UBAP2: variants seen among roughly 807,000 people sequenced by gnomAD.
UBAP2 encodes the protein ubiquitin-associated protein 2.
A neutral mutation model predicts 139.6 loss-of-function variants in UBAP2; 75 were observed. The ratio of observed to expected loss-of-function variants is 0.54; its 90% CI spans 0.45 to 0.65. The LOEUF is 0.65. Ranked by LOEUF, UBAP2 falls within the 30% of genes least tolerant of loss-of-function variation. The pLI is 0.00. For missense variants in UBAP2, 1,368 were observed against 1,369.6 expected, an observed-to-expected ratio of 1.00 and a Z score of 0.02; for synonymous variants, 526 against 526.2, an observed-to-expected ratio of 1.00 and a Z score of 0.01.
At chr9:33,979,225 G>C (rs979671426) in intron 6 of UBAP2, among the ~76,000 whole-genome samples, 3 of 152,178 alleles carry the variant, frequency 2.0e-5, no homozygotes, top group Non-Finnish European at 4.4e-5. Flanking sequence ...GTAACAGAGT[G>C]AGACCCTGTC....
intron 19 of UBAP2, among the ~76,000 whole-genome samples, chr9:33,929,244 C>T (rs1823751712): frequency 6.6e-6 from 1 of 152,198 alleles, no homozygotes; most frequent in Admixed American, 6.5e-5. Context: ...GAAAAATGAA[C>T]ATTCTCCATC....
At chr9:33,934,823 C>A (rs12377078) in intron 17 of UBAP2, among the ~76,000 whole-genome samples, 10,480 of 152,208 alleles carry the variant, frequency 0.069, 513 homozygotes, top group Non-Finnish European at 0.1. Context: ...CTGCTAGAGT[C>A]AAAAGTTCCT....
chr9:34,029,653 T>C (rs372705013), intron 1 of UBAP2, among the ~76,000 whole-genome samples: 1 of 151,312 alleles, frequency 6.6e-6, no homozygotes, highest in Non-Finnish European at 1.5e-5. Flanking sequence ...CTGGGCAGCA[T>C]AGCAAGACCT....
At chr9:33,940,074 GAA>G (rs1432321691) in intron 16 of UBAP2, among the ~76,000 whole-genome samples, 2 of 151,412 alleles carry the variant, frequency 1.3e-5, no homozygotes, top group Non-Finnish European at 3.0e-5. Context: ...AAGAAGAAAA[GAA>G]AAAGAAGAAA....
At chr9:33,970,908 T>C (rs1313549001) in intron 8 of UBAP2, among the ~76,000 whole-genome samples, 1 of 152,224 alleles carries the variant, frequency 6.6e-6, no homozygotes, top group Non-Finnish European at 1.5e-5. Flanking sequence ...GTTCAAGCGA[T>C]TCTCCTGTCT....
At chr9:34,041,476 A>AT (rs990009904) in intron 1 of UBAP2, among the ~76,000 whole-genome samples, 4 of 151,002 alleles carry the variant, frequency 2.6e-5, no homozygotes, top group Non-Finnish European at 5.9e-5. Context: ...AAAAAAAAAA[A>AT]AAAAACAAAC....
At chr9:33,959,405 A>C (rs964009738) in intron 10 of UBAP2, among the ~76,000 whole-genome samples, 1 of 152,198 alleles carries the variant, frequency 6.6e-6, no homozygotes, top group African/African-American at 2.4e-5. Flanking sequence ...ACAGAATCTC[A>C]AAGTGTGCGT....
chr9:33,953,041 TGTTA>T lies in UBAP2; in HGVS notation c.1056+240_1056+243del, dbSNP rs558324022. The stretch of plus-strand genomic sequence containing the variant: ...CACAACACCACACTCAGCTAATTTT[TGTTA>T]GTTTGCTTTTTTCGTAGAGACAGAG... On this transcript the variant is annotated intron_variant, in intron 12 of 28. Coordinates refer to ENST00000379238, the MANE Select transcript of UBAP2 (RefSeq NM_001370062.2). Among the ~76,000 whole-genome samples, 699 of 152,172 alleles carry T rather than the reference TGTTA, an allele frequency of 4.6e-3. 5 individuals are homozygous for T. The highest frequency in any genetic ancestry group is 0.012 in the African/African-American group (514 of 41,520).
chr9:34,043,300 T>G (rs1827258942), intron 1 of UBAP2, among the ~76,000 whole-genome samples: 1 of 151,846 alleles, frequency 6.6e-6, no homozygotes, highest in Admixed American at 6.6e-5. Context: ...GCCTCCTGAG[T>G]AGCTGGGACT....
intron 13 of UBAP2, 27 bp from the exon 14 acceptor site, chr9:33,944,666 A>T (rs374807402): frequency 6.2e-7 from 1 of 1,606,202 alleles, no homozygotes; most frequent in African/African-American, 1.3e-5. Context: ...GCAATTAATG[A>T]GGCATAATGG....
Position 34,027,251 on chromosome 9 carries a change from C to A in UBAP2, c.-41-10062G>T, listed in dbSNP as rs142252402. Among the ~76,000 whole-genome samples, 915 of 151,776 alleles carry A rather than the reference C, an allele frequency of 6.0e-3. 7 individuals carry two copies. Among genetic ancestry groups the A allele is most frequent in the African/African-American group, 0.021 (868 of 41,366 alleles). Reference sequence around the variant, plus strand: ...ATCCCGGCACTTTGGGAGGCTGAGGCGGGAGGATTACTTGAGGTCAGGAGT... The same window carrying A: ...ATCCCGGCACTTTGGGAGGCTGAGGAGGGAGGATTACTTGAGGTCAGGAGT... On this transcript the variant is annotated intron_variant, in intron 1 of 28. Transcript: ENST00000379238.
chr9:33,942,466 G>T (rs1395444351), intron 15 of UBAP2, among the ~76,000 whole-genome samples: 3 of 152,078 alleles, frequency 2.0e-5, no homozygotes, highest in Non-Finnish European at 4.4e-5. Context: ...GGTGGCTCAT[G>T]CCTGTAATCC....
chr9:33,950,832 G>T (rs973019460), intron 12 of UBAP2, among the ~76,000 whole-genome samples: 11 of 152,148 alleles, frequency 7.2e-5, no homozygotes, highest in African/African-American at 2.7e-4. Flanking sequence ...CACAGCATAG[G>T]CCTCTTAAGT....
At chr9:33,970,381 T>C (rs988898523) in intron 8 of UBAP2, among the ~76,000 whole-genome samples, 10 of 152,186 alleles carry the variant, frequency 6.6e-5, no homozygotes, top group African/African-American at 2.4e-4. Context: ...GTGCTTCTGG[T>C]GGTACTCTCT....
intron 2 of UBAP2, among the ~76,000 whole-genome samples, chr9:34,001,046 T>C (rs970753817): frequency 6.6e-6 from 1 of 152,034 alleles, no homozygotes; most frequent in Non-Finnish European, 1.5e-5. Flanking sequence ...AACCAATAAG[T>C]CCCAGTGCCA....
chr9:33,983,281 G>A (rs1587611604), intron 6 of UBAP2, among the ~76,000 whole-genome samples: 1 of 152,118 alleles, frequency 6.6e-6, no homozygotes, highest in Non-Finnish European at 1.5e-5. Flanking sequence ...AATACATACT[G>A]TGACTAGATT....
chr9:33,995,771 C>T (rs923024565), intron 4 of UBAP2: 2 of 149,004 alleles, frequency 1.3e-5, no homozygotes, highest in African/African-American at 4.9e-5. Context: ...GCAAGCTCAC[C>T]AAACTTAACC....
chr9:34,032,553 A>G (rs1244818507), intron 1 of UBAP2, among the ~76,000 whole-genome samples: 1 of 152,172 alleles, frequency 6.6e-6, no homozygotes, highest in African/African-American at 2.4e-5. Context: ...CAGCTTTCTT[A>G]GGGATACAAG....
intron 5 of UBAP2, 58 bp from the exon 6 acceptor site, chr9:33,986,895 C>T (rs1036657101): frequency 1.4e-6 from 2 of 1,438,968 alleles, no homozygotes; most frequent in Non-Finnish European, 2.0e-6. Context: ...TGTACATAAC[C>T]TTATCAAGCA....
Sources: allele counts gnomAD v4.1 joint callset (sites outside exome capture counted in the v4.1 genomes callset), GRCh38; gene constraint gnomAD v4.1.1; transcripts MANE v1.5; gene names NCBI Gene and HGNC (gene_info 2026-07-23, HGNC 2026-07-21).